The following SGK1 variants were observed in gnomAD, a reference collection of about 807,000 sequenced individuals.
SGK1 encodes the protein serum/glucocorticoid regulated kinase 1.
Under a neutral mutation model 64.2 loss-of-function variants are expected in SGK1, and 26 were observed. The ratio of observed to expected loss-of-function variants is 0.40; its 90% confidence interval spans 0.30 to 0.56. The LOEUF (loss-of-function observed/expected upper bound fraction) is 0.56, where lower values mean the gene tolerates loss of function less well. Ranked by LOEUF, SGK1 falls within the 20% of genes least tolerant of loss-of-function variation. The pLI, the probability that SGK1 is intolerant of heterozygous loss-of-function variation, is 0.38. For missense variants in SGK1, 519 were observed against 645.6 expected (o/e 0.80, Z 2.12); for synonymous variants, 265 against 239.7 (o/e 1.11, Z -0.98).
At chr6:134,288,441 C>A (rs1777217163) in intron 1 of SGK1, among the ~76,000 whole-genome samples, 1 of 152,136 alleles carries the variant, frequency 6.6e-6, no homozygotes, top group African/African-American at 2.4e-5. Flanking sequence ...GGAGAAAAAG[C>A]CTGTTTAAAA....
chr6:134,317,304 C>T (rs1216837170), intron 1 of SGK1, 88 bp downstream of exon 1: 2 of 884,580 alleles, frequency 2.3e-6, no homozygotes, highest in African/African-American at 1.6e-5. Flanking sequence ...GGTTTAGCAA[C>T]AAAACCTCAG....
chr6:134,258,051 CA>C (rs1201879852), intron 2 of SGK1, among the ~76,000 whole-genome samples: 1 of 152,008 alleles, frequency 6.6e-6, no homozygotes, highest in Non-Finnish European at 1.5e-5. Context: ...GTTGCCTTTT[CA>C]ATGATTTATT....
intron 2 of SGK1, chr6:134,256,932 A>G (rs1328261410): frequency 1.3e-5 from 2 of 152,244 alleles, no homozygotes; most frequent in African/African-American, 4.8e-5. Context: ...ACTAAGTGCA[A>G]TGTAACTCTT....
At chr6:134,256,374 GTGTGTGTGTGTA>G (rs1490682014) in intron 2 of SGK1, among the ~76,000 whole-genome samples, 2 of 152,086 alleles carry the variant, frequency 1.3e-5, no homozygotes, top group Non-Finnish European at 2.9e-5. Flanking sequence ...GTGTGTCTGT[GTGTGTGTGTGTA>G]TGTGTGTGTG....
At chr6:134,183,848 A>ACCCCCCCC (rs1562243390) in intron 3 of SGK1, among the ~76,000 whole-genome samples, 29 of 80,128 alleles carry the variant, frequency 3.6e-4, no homozygotes, top group Non-Finnish European at 5.6e-4. Flanking sequence ...ACCTGTCCCC[A>ACCCCCCCC]CCCCACCCCC....
intron 1 of SGK1, among the ~76,000 whole-genome samples, chr6:134,309,329 C>T (rs150793596): frequency 4.1e-4 from 63 of 152,306 alleles, no homozygotes; most frequent in Non-Finnish European, 7.6e-4. Context: ...AACGCAGCAC[C>T]GAACTTGCCT....
chr6:134,238,882 C>T (rs774386470), intron 2 of SGK1, among the ~76,000 whole-genome samples: 5 of 152,260 alleles, frequency 3.3e-5, no homozygotes, highest in East Asian at 1.9e-4. Context: ...AGAATTAGAT[C>T]GTCTCAGACG....
At chr6:134,265,592 C>CATATACATATATATTTTATAT (rs1269757695) in intron 1 of SGK1, among the ~76,000 whole-genome samples, 9 of 139,462 alleles carry the variant, frequency 6.5e-5, no homozygotes, top group Non-Finnish European at 1.2e-4. Flanking sequence ...TACATATATA[C>CATATACATATATATTTTATAT]ATATACATAT....
chr6:134,229,516 G>A (rs60742092), intron 2 of SGK1, among the ~76,000 whole-genome samples: 24,446 of 152,080 alleles, frequency 0.16, 3,301 homozygotes, highest in African/African-American at 0.37. Flanking sequence ...TGTGCTTAAT[G>A]TCTTAAAGGA....
At chr6:134,313,570 G>C (rs1266219220) in intron 1 of SGK1, among the ~76,000 whole-genome samples, 1 of 151,480 alleles carries the variant, frequency 6.6e-6, no homozygotes, top group African/African-American at 2.4e-5. Flanking sequence ...CACGAGATCT[G>C]GAAGTGAAAA....
intron 3 of SGK1, chr6:134,174,974 G>GA: frequency 1.5e-6 from 2 of 1,325,846 alleles, no homozygotes; most frequent in East Asian, 5.2e-5. Flanking sequence ...CCCCGCCCCG[G>GA]CCGCCTCGCG....
At chr6:134,239,928 G>A (rs1413420751) in intron 2 of SGK1, among the ~76,000 whole-genome samples, 1 of 152,136 alleles carries the variant, frequency 6.6e-6, no homozygotes, top group Non-Finnish European at 1.5e-5. Flanking sequence ...ATGATTGAAG[G>A]TCATGAGAGG....
intron 1 of SGK1, among the ~76,000 whole-genome samples, chr6:134,283,724 C>T (rs944006950): frequency 1.3e-5 from 2 of 150,834 alleles, no homozygotes; most frequent in Admixed American, 6.6e-5. Flanking sequence ...CAAACACCTG[C>T]AGTCCCAGGT....
At position 134,174,609 on chromosome 6, in the gene SGK1, A is replaced by G. The variant is rs1026077844; in HGVS notation, c.362-23T>C. On this transcript the variant is annotated intron_variant, in intron 3 of 13. Transcript: ENST00000367858. ...AAGCTGTGGATGAAGGAGGAGAAAT[A>G]AAGAAACGTTTAGACGGCTTCATAA... 1.9e-6 allele frequency: 3 copies of G among 1,611,500 alleles called. No individual in the cohort carries two copies. In the African/African-American group the frequency reaches 4.0e-5, roughly 22 times the overall value.
At chr6:134,305,356 T>G (rs1777518604) in intron 1 of SGK1, among the ~76,000 whole-genome samples, 1 of 111,638 alleles carries the variant, frequency 9.0e-6, no homozygotes, top group Non-Finnish European at 1.8e-5. Context: ...AGAGTGATAC[T>G]TCATCTCAAA....
chr6:134,206,383 ATTTTTTTTTTTT>A (rs869072819), intron 3 of SGK1, among the ~76,000 whole-genome samples: 140 of 16,544 alleles, frequency 8.5e-3, no homozygotes, highest in African/African-American at 0.026. Context: ...ATATATATAT[ATTTTTTTTTTTT>A]TTTTTTTTTT....
chr6:134,295,881 A>T (rs1318487332), intron 1 of SGK1, among the ~76,000 whole-genome samples: 1 of 152,230 alleles, frequency 6.6e-6, no homozygotes, highest in African/African-American at 2.4e-5. Flanking sequence ...CAGTAAGGAC[A>T]TGGGAGTGGG....
intron 2 of SGK1, among the ~76,000 whole-genome samples, chr6:134,240,291 CAAAAAAAA>C (rs148740677): frequency 2.4e-5 from 2 of 84,460 alleles, no homozygotes; most frequent in Admixed American, 1.4e-4. Context: ...GACTCCATCT[CAAAAAAAA>C]AAAAAAAAAA....
At chr6:134,270,069 G>T (rs892976727) in intron 1 of SGK1, among the ~76,000 whole-genome samples, 1 of 147,682 alleles carries the variant, frequency 6.8e-6, no homozygotes, top group African/African-American at 2.4e-5. Context: ...TTACAGACGT[G>T]TGTCACCACA....
Sources: gnomAD v4.1 joint callset for allele counts (sites outside exome capture counted in the v4.1 genomes callset) on GRCh38, gnomAD v4.1.1 for gene constraint, MANE v1.5 for transcripts, NCBI Gene and HGNC (gene_info 2026-07-23, HGNC 2026-07-21) for gene names.